The following HS2ST1 variants were observed in gnomAD, a reference collection of about 807,000 sequenced individuals.
HS2ST1 encodes 2-O-sulfotransferase.
HS2ST1 carries 18 observed loss-of-function variants against 42.9 expected under a neutral mutation model. The ratio of observed to expected loss-of-function variants is 0.42; its 90% CI spans 0.29 to 0.62. The LOEUF is 0.62. Among genes scored for constraint, HS2ST1 ranks in the 20% least tolerant of loss-of-function variants. The pLI is 0.21. For synonymous variants in HS2ST1, 146 were observed against 152.9 expected, an observed-to-expected ratio of 0.95 and a Z score of 0.33; for missense variants, 334 against 433.8, an observed-to-expected ratio of 0.77 and a Z score of 2.04.
intron 1 of HS2ST1, among the ~76,000 whole-genome samples, chr1:86,971,432 T>C (rs1296436808): frequency 6.6e-6 from 1 of 152,184 alleles, no homozygotes; most frequent in East Asian, 1.9e-4. Flanking sequence ...ATTTCTTAAA[T>C]TTGTTTTAAG....
intron 1 of HS2ST1, among the ~76,000 whole-genome samples, chr1:86,944,406 G>T (rs1284921180): frequency 6.6e-6 from 1 of 152,134 alleles, no homozygotes; most frequent in Non-Finnish European, 1.5e-5. Context: ...CCAGGCTGGA[G>T]TGCAGTGGCG....
intron 1 of HS2ST1, among the ~76,000 whole-genome samples, chr1:86,954,040 TAAAAA>T (rs367757359): frequency 0.084 from 5,683 of 67,334 alleles, 346 homozygotes; most frequent in African/African-American, 0.18. Context: ...CTGTTTTTTT[TAAAAA>T]AAAAAAAAAA....
At chr1:87,055,055 G>A (rs1465703292) in intron 1 of HS2ST1, among the ~76,000 whole-genome samples, 2 of 151,962 alleles carry the variant, frequency 1.3e-5, no homozygotes, top group Non-Finnish European at 2.9e-5. Context: ...AAATTCATGG[G>A]GCTGGGAGGG....
chr1:86,984,305 A>G (rs1166572030), intron 1 of HS2ST1, among the ~76,000 whole-genome samples: 2 of 152,182 alleles, frequency 1.3e-5, no homozygotes, highest in Admixed American at 6.5e-5. Flanking sequence ...TAGGATTCTG[A>G]TGTCTGATTC....
intron 2 of HS2ST1, among the ~76,000 whole-genome samples, chr1:87,080,766 A>C (rs1651664842): frequency 6.6e-6 from 1 of 152,130 alleles, no homozygotes; most frequent in African/African-American, 2.4e-5. Flanking sequence ...CACCCTGGGT[A>C]GGGGGAGAGC....
chr1:87,051,383 C>G (rs1352317480), intron 1 of HS2ST1, among the ~76,000 whole-genome samples: 1 of 152,118 alleles, frequency 6.6e-6, no homozygotes, highest in Non-Finnish European at 1.5e-5. Context: ...TTAATTTTAT[C>G]AACCCATACC....
chr1:87,070,234 G>A (rs377399064), intron 1 of HS2ST1, among the ~76,000 whole-genome samples: 2 of 152,122 alleles, frequency 1.3e-5, no homozygotes, highest in African/African-American at 4.8e-5. Flanking sequence ...GTGTTTGGAC[G>A]TAACATTACC....
At chr1:86,927,309 A>G (rs149295319) in intron 1 of HS2ST1, among the ~76,000 whole-genome samples, 4 of 152,300 alleles carry the variant, frequency 2.6e-5, no homozygotes, top group Non-Finnish European at 4.4e-5. Flanking sequence ...TCAACGTGGC[A>G]TGGCACAATT....
chr1:87,009,316 G>C (rs984410190), intron 1 of HS2ST1, among the ~76,000 whole-genome samples: 2 of 152,172 alleles, frequency 1.3e-5, no homozygotes, highest in Non-Finnish European at 2.9e-5. Flanking sequence ...GAAAGAAGTA[G>C]GAAAGGTGAA....
At position 87,046,636 on chromosome 1, in the gene HS2ST1, T is replaced by C. The variant is rs554871663; in HGVS notation, c.125-26298T>C. On this transcript the variant is annotated intron_variant, in intron 1 of 6. Transcript: ENST00000370550. ...TACAAAGTCAAGGAGAAGAAACGAA[T>C]GCATCAGATCAACAGAATGAACCCC... The C allele has an allele frequency of 1.3e-5, 20 of 1,555,042 alleles. No homozygotes were observed. The African/African-American group carries it at 1.9e-4, about 15-fold the overall frequency.
intron 1 of HS2ST1, among the ~76,000 whole-genome samples, chr1:87,002,819 G>A (rs931487918): frequency 6.6e-5 from 10 of 151,942 alleles, no homozygotes; most frequent in African/African-American, 2.2e-4. Context: ...CGGACGTTTT[G>A]GGAGTCATCT....
At chr1:86,960,574 C>T (rs537912072) in intron 1 of HS2ST1, among the ~76,000 whole-genome samples, 1 of 152,268 alleles carries the variant, frequency 6.6e-6, no homozygotes, top group Admixed American at 6.5e-5. Context: ...ATTCAGAGAA[C>T]CCTTATAACT....
At chr1:86,987,326 G>A (rs947730860) in intron 1 of HS2ST1, among the ~76,000 whole-genome samples, 4 of 151,830 alleles carry the variant, frequency 2.6e-5, no homozygotes, top group African/African-American at 7.3e-5. Flanking sequence ...CGTATGCCTC[G>A]GCCCCCCAAA....
chr1:86,918,395 C>T (rs2102150202), intron 1 of HS2ST1, among the ~76,000 whole-genome samples: 1 of 151,946 alleles, frequency 6.6e-6, no homozygotes, highest in Middle Eastern at 3.4e-3. Context: ...TATAATATTC[C>T]AAAGTATGCA....
At chr1:87,008,497 A>C (rs1319561970) in intron 1 of HS2ST1, among the ~76,000 whole-genome samples, 2 of 152,242 alleles carry the variant, frequency 1.3e-5, no homozygotes, top group Admixed American at 1.3e-4. Flanking sequence ...TGAATGTTTT[A>C]CTTAATTGCA....
chr1:86,921,495 G>A (rs894791503), intron 1 of HS2ST1, among the ~76,000 whole-genome samples: 2 of 151,800 alleles, frequency 1.3e-5, no homozygotes, highest in African/African-American at 4.8e-5. Flanking sequence ...CTTAATCTCC[G>A]ATGCAACAGT....
chr1:86,935,484 A>G (rs1239118806), intron 1 of HS2ST1, among the ~76,000 whole-genome samples: 1 of 93,488 alleles, frequency 1.1e-5, no homozygotes, highest in Non-Finnish European at 1.9e-5. Context: ...TTTTTTTGAG[A>G]TAGAGGCTTG....
chr1:87,030,462 C>T (rs1042670526), intron 1 of HS2ST1, among the ~76,000 whole-genome samples: 3 of 152,076 alleles, frequency 2.0e-5, no homozygotes, highest in Admixed American at 6.6e-5. Context: ...CATGCCTCTG[C>T]ACTCCAACCT....
intron 1 of HS2ST1, among the ~76,000 whole-genome samples, chr1:87,012,121 C>A (rs1180702048): frequency 6.6e-6 from 1 of 151,964 alleles, no homozygotes; most frequent in African/African-American, 2.4e-5. Flanking sequence ...ACTTTTTTTT[C>A]CTTCATTTTA....
Sources: allele counts gnomAD v4.1 joint callset (sites outside exome capture counted in the v4.1 genomes callset), GRCh38; gene constraint gnomAD v4.1.1; transcripts MANE v1.5; gene names NCBI Gene and HGNC (gene_info 2026-07-23, HGNC 2026-07-21).